The following MFNG variants were observed in gnomAD, a reference collection of about 807,000 sequenced individuals.
The protein encoded by MFNG is MFNG O-fucosylpeptide 3-beta-N-acetylglucosaminyltransferase.
In MFNG, 24 loss-of-function variants were observed where a neutral mutation model predicts 34.2. That is an observed-to-expected ratio of 0.70 (90% CI 0.51 to 0.99). The LOEUF is 0.99. Among genes scored for constraint, MFNG ranks in the 50% least tolerant of loss-of-function variants. The probability of loss-of-function intolerance (pLI) is 0.00; values close to 1 mark genes in which losing one functional copy is unlikely to be tolerated. For synonymous variants in MFNG, 158 were observed against 179.2 expected, an observed-to-expected ratio of 0.88 and a Z score of 0.94; for missense variants, 383 against 424.0, an observed-to-expected ratio of 0.90 and a Z score of 0.85.
intron 6 of MFNG, among the ~76,000 whole-genome samples, chr22:37,473,416 G>A (rs1044014180): frequency 1.3e-5 from 2 of 151,798 alleles, no homozygotes; most frequent in African/African-American, 2.4e-5. Context: ...GCAACAGAGC[G>A]AGACTCTATC....
At chr22:37,473,698 G>C (rs897005425) in intron 6 of MFNG, among the ~76,000 whole-genome samples, 3 of 152,218 alleles carry the variant, frequency 2.0e-5, no homozygotes, top group Non-Finnish European at 4.4e-5. Context: ...TCTGAAGGAA[G>C]GAGGCGCTCT....
intron 5 of MFNG, among the ~76,000 whole-genome samples, chr22:37,476,030 C>G (rs1194238227): frequency 6.6e-6 from 1 of 152,176 alleles, no homozygotes; most frequent in Admixed American, 6.5e-5. Flanking sequence ...CCTGGCTGAC[C>G]TCAGACTGGC....
At position 37,480,726 on chromosome 22, in the gene MFNG, C is replaced by T; in HGVS notation, c.299G>A (p.Arg100Lys). The change falls in exon 2 of 8, where the codon AGA (arginine) becomes AAA (lysine). Residue 100 changes from arginine to lysine, a missense_variant. Coordinates refer to ENST00000356998, the MANE Select transcript of MFNG (RefSeq NM_002405.4). ...CCCAGGCCGGGCAGAGTTACCCAGT[C>T]TCTCCTGGAGGCCTTTGTCTGGGCT... ...TDSPDKGLQE[R>K]LGSHLVVTNC... The T allele has an allele frequency of 6.2e-7, 1 of 1,613,636 alleles. No individual in the cohort carries two copies. Among genetic ancestry groups the T allele is most frequent in the Non-Finnish European group, 8.5e-7 (1 of 1,179,814 alleles).
intron 1 of MFNG, among the ~76,000 whole-genome samples, chr22:37,481,812 G>A (rs144260254): frequency 3.0e-4 from 45 of 152,292 alleles, no homozygotes; most frequent in East Asian, 2.7e-3. Flanking sequence ...GGCCACACTC[G>A]TGGCTTAACC....
rs746479764 is a variant in MFNG at position 37,472,469 on chromosome 22, G to A, written c.873C>T (p.Pro291=). 5.7e-6 allele frequency: 9 copies of A among 1,582,820 alleles called. No individual in the cohort carries two copies. Among genetic ancestry groups the A allele is most frequent in the Non-Finnish European group, 6.0e-6 (7 of 1,167,854 alleles). Residue 291 remains proline (P), a synonymous_variant, in exon 7 of 8, where the codon CCC becomes CCT. Transcript: ENST00000356998. ...TGGAGGGGTCCTCCTCCGGGGAGAA[G>A]GGGCCCTGTAGCTTAATGACGTTGA... ...GKLNVIKLQG[P]FSPEEDPSRF... is the part of the protein sequence containing the mutation.
In MFNG at chr22:37,482,431, ACACACACACACG is replaced by A. The variant is rs1419611168; in HGVS notation, c.256-1674_256-1663del. Among the ~76,000 whole-genome samples the A allele has an allele frequency of 7.8e-6, 1 of 128,846 alleles. No homozygotes were observed. The highest frequency in any genetic ancestry group is 1.7e-5 in the Non-Finnish European group (1 of 58,980). The allele number at this position is 128,846 out of a possible 152,430, so 84.5% of individuals were successfully genotyped here. A position where few individuals can be genotyped will look rare whatever the true frequency, so the allele number is the denominator to read the frequency against. On this transcript the variant is annotated intron_variant, in intron 1 of 7. Coordinates refer to ENST00000356998, the MANE Select transcript of MFNG (RefSeq NM_002405.4). This position sits in a 1 kb window ranked among gnomAD's most constrained non-coding sequence, Gnocchi z 4.1. ...GCTTCTCTCTCTGTCTCTCTCTCTC[ACACACACACACG>A]CACACACACGCACGCATACACACAC...
intron 6 of MFNG, among the ~76,000 whole-genome samples, chr22:37,474,164 G>A (rs1026861715): frequency 6.6e-6 from 1 of 152,198 alleles, no homozygotes; most frequent in Non-Finnish European, 1.5e-5. Context: ...AATGTGGGGA[G>A]GATGGAAGAC....
At chr22:37,481,794 C>T (rs1378122882) in intron 1 of MFNG, among the ~76,000 whole-genome samples, 1 of 152,222 alleles carries the variant, frequency 6.6e-6, no homozygotes, top group Non-Finnish European at 1.5e-5. Flanking sequence ...TCTCTCAGCC[C>T]CCACTGGGGC....
chr22:37,480,896 A>G, intron 1 of MFNG, 127 bp from the exon 2 acceptor site: 1 of 762,752 alleles, frequency 1.3e-6, no homozygotes, highest in Non-Finnish European at 2.2e-6. Flanking sequence ...CACCCCTCTC[A>G]TGGTCACACG....
chr22:37,482,645 A>T lies in MFNG; in HGVS notation c.256-1876T>A, dbSNP rs900731159. 2.0e-5 allele frequency among the ~76,000 whole-genome samples: 3 copies of T among 152,048 alleles called. No individual in the cohort carries two copies. The highest frequency in any genetic ancestry group is 4.4e-5 in the Non-Finnish European group (3 of 68,012). On this transcript the variant is annotated intron_variant, in intron 1 of 7. Coordinates refer to ENST00000356998, the MANE Select transcript of MFNG (RefSeq NM_002405.4). This position sits in a 1 kb window ranked among gnomAD's most constrained non-coding sequence, Gnocchi z 4.1. ...TCAGCCCTCTGTTTCTCCTGTCACT[A>T]ACAGCAGTTAGCAAAACTCCCTGGT...
At chr22:37,473,382 T>G (rs1431980857) in intron 6 of MFNG, among the ~76,000 whole-genome samples, 1 of 151,644 alleles carries the variant, frequency 6.6e-6, no homozygotes, top group East Asian at 1.9e-4. Context: ...AGAGCCAAAA[T>G]CGTGCCATTG....
At position 37,483,435 on chromosome 22, in the gene MFNG, G is replaced by A. The variant is rs761305695; in HGVS notation, c.255+2488C>T. ...AACTTTTGCCACCAAACAGCCACCC[G>A]ATAGTGAAACACTCTCAAGCTTGGA... On this transcript the variant is annotated intron_variant, in intron 1 of 7. Coordinates refer to ENST00000356998, the MANE Select transcript of MFNG (RefSeq NM_002405.4). This position sits in a 1 kb window ranked among gnomAD's most constrained non-coding sequence, Gnocchi z 4.5. Among the ~76,000 whole-genome samples, 4 of 151,436 alleles carry A rather than the reference G, an allele frequency of 2.6e-5. No homozygotes were observed. The highest frequency in any genetic ancestry group is 2.1e-4 in the South Asian group (1 of 4,770).
rs1922412762 is a variant in MFNG at position 37,483,937 on chromosome 22, C to A, written c.255+1986G>T. On this transcript the variant is annotated intron_variant, in intron 1 of 7. Coordinates refer to ENST00000356998, the MANE Select transcript of MFNG (RefSeq NM_002405.4). The surrounding 1 kb of genome is among the most constrained non-coding windows in gnomAD (Gnocchi z 4.5). ...TGGCACAGAGCGATGGGCAGAGTTT[C>A]TTTGGAGCCAAGGGCTGCATTTGAC... Among the ~76,000 whole-genome samples, 1 of 152,200 alleles carries A rather than the reference C, an allele frequency of 6.6e-6. No individual in the cohort carries two copies. Among genetic ancestry groups the A allele is most frequent in the African/African-American group, 2.4e-5 (1 of 41,448 alleles).
chr22:37,480,822 G>A, intron 1 of MFNG, 53 bp from the exon 2 acceptor site: 9 of 1,537,596 alleles, frequency 5.9e-6, no homozygotes, highest in Non-Finnish European at 8.0e-6. Context: ...GGACACCCCA[G>A]ACCAATCCAC....
rs748814125 is a variant in MFNG at position 37,479,467 on chromosome 22, C to T, written c.439G>A (p.Val147Met). ...AGCTGCAGCAGCGCCCTTGGGTTCA[C>T]ATAGTTGTCATCGTCCACATGGCAG... is the stretch of plus-strand genomic sequence containing the variant. ...WFCHVDDDNY[V>M]NPRALLQLLR... Residue 147 changes from valine (V) to methionine (M), a missense_variant, in exon 4 of 8, where the codon GTG (valine) becomes ATG (methionine). By Grantham distance (21) the Val-to-Met change is conservative. Coordinates refer to ENST00000356998, the MANE Select transcript of MFNG (RefSeq NM_002405.4). 1.1e-5 allele frequency: 17 copies of T among 1,611,168 alleles called. No individual in the cohort carries two copies. Among genetic ancestry groups the T allele is most frequent in the African/African-American group, 1.3e-5 (1 of 74,846 alleles).
chr22:37,485,696 C>T lies in MFNG; in HGVS notation c.255+227G>A, dbSNP rs900592678. On this transcript the variant is annotated intron_variant, in intron 1 of 7. Coordinates refer to ENST00000356998, the MANE Select transcript of MFNG (RefSeq NM_002405.4). The surrounding 1 kb of genome is among the most constrained non-coding windows in gnomAD (Gnocchi z 5.3). ...AGCCTGGCCCCCAAAAGTGGTGGAG[C>T]GGTAGGACCTGGGTGCACCTGGAGT... Among the ~76,000 whole-genome samples the T allele has an allele frequency of 6.6e-6, 1 of 152,152 alleles. No homozygotes were observed. The highest frequency in any genetic ancestry group is 2.4e-5 in the African/African-American group (1 of 41,444).
intron 3 of MFNG, 129 bp from the exon 4 acceptor site, chr22:37,479,627 C>A: frequency 8.5e-7 from 1 of 1,179,594 alleles, no homozygotes; most frequent in Non-Finnish European, 1.2e-6. Context: ...TTTAAGGCAT[C>A]TGTTTTGTGC....
In MFNG at chr22:37,477,592, G is replaced by A. The variant is rs139595244; in HGVS notation, c.562-611C>T. On this transcript the variant is annotated intron_variant, in intron 4 of 7. Coordinates refer to ENST00000356998, the MANE Select transcript of MFNG (RefSeq NM_002405.4). ...TTCCCAAATAGCTGGAACTACAGAC[G>A]TGCGCCACCACGCCCAACTAATTTT... 8.8e-3 allele frequency among the ~76,000 whole-genome samples: 1,332 copies of A among 152,160 alleles called. 14 individuals are homozygous for A. Among genetic ancestry groups the A allele is most frequent in the South Asian group, 0.039 (187 of 4,812 alleles).
chr22:37,472,781 A>C, intron 6 of MFNG: 6 of 378,032 alleles, frequency 1.6e-5, no homozygotes, highest in East Asian at 5.0e-5. Context: ...CAATACCCCC[A>C]TCTACAGATT....
Sources: gnomAD v4.1 joint callset for allele counts (sites outside exome capture counted in the v4.1 genomes callset) on GRCh38, gnomAD v4.1.1 for gene constraint, Gnocchi (gnomAD v3.1) non-coding constraint, MANE v1.5 for transcripts, NCBI Gene and HGNC (gene_info 2026-07-23, HGNC 2026-07-21) for gene names.